The following IGF2BP3 variants were observed in gnomAD, a reference collection of about 807,000 sequenced individuals.
IGF2BP3 encodes insulin-like growth factor 2 mRNA-binding protein 3.
A neutral mutation model predicts 73.8 loss-of-function variants in IGF2BP3; 9 were observed. That is an observed-to-expected ratio of 0.12 (90% CI 0.07 to 0.21). IGF2BP3 has a LOEUF of 0.21. IGF2BP3 is among the 10% of genes least tolerant of loss of function. IGF2BP3 has a pLI of 1.00. For synonymous variants in IGF2BP3, 258 were observed against 256.7 expected (o/e 1.01, Z -0.05); for missense variants, 542 against 714.0 (o/e 0.76, Z 2.75).
intron 3 of IGF2BP3, among the ~76,000 whole-genome samples, chr7:23,389,945 C>T (rs1462317608): frequency 6.6e-6 from 1 of 152,112 alleles, no homozygotes; most frequent in East Asian, 1.9e-4. Flanking sequence ...CAGTACACTC[C>T]AGCCTGGGCA....
chr7:23,382,048 G>T (rs933594616), intron 3 of IGF2BP3, among the ~76,000 whole-genome samples: 1 of 152,044 alleles, frequency 6.6e-6, no homozygotes, highest in Non-Finnish European at 1.5e-5. Flanking sequence ...TCAAGCTCAG[G>T]AGACTAGCCT....
chr7:23,340,603 G>A (rs1206876996), intron 10 of IGF2BP3, among the ~76,000 whole-genome samples: 1 of 152,152 alleles, frequency 6.6e-6, no homozygotes, highest in Non-Finnish European at 1.5e-5. Context: ...TATTAAGTAA[G>A]TGAGCCAAAC....
intron 3 of IGF2BP3, among the ~76,000 whole-genome samples, chr7:23,396,255 G>C (rs1786459024): frequency 6.6e-6 from 1 of 151,948 alleles, no homozygotes; most frequent in Admixed American, 6.6e-5. Flanking sequence ...TGCTGGCTTG[G>C]GGGTAGGGGG....
intron 3 of IGF2BP3, among the ~76,000 whole-genome samples, chr7:23,388,092 C>CA (rs1786145601): frequency 6.6e-6 from 1 of 152,114 alleles, no homozygotes; most frequent in Non-Finnish European, 1.5e-5. Flanking sequence ...AGGTGCCCGA[C>CA]ACCACGCCCG....
intron 3 of IGF2BP3, among the ~76,000 whole-genome samples, chr7:23,404,769 G>T (rs1487403440): frequency 6.6e-6 from 1 of 150,774 alleles, no homozygotes; most frequent in African/African-American, 2.4e-5. Flanking sequence ...GGGGGTGGGG[G>T]TGGGGATGGC....
chr7:23,319,744 C>G (rs1354167208), intron 10 of IGF2BP3, among the ~76,000 whole-genome samples: 1 of 152,152 alleles, frequency 6.6e-6, no homozygotes, highest in African/African-American at 2.4e-5. Context: ...AAGAGAAAAG[C>G]TGAATTTTGT....
intron 3 of IGF2BP3, among the ~76,000 whole-genome samples, chr7:23,396,698 T>TGG (rs202095228): frequency 1.3e-5 from 2 of 151,708 alleles, no homozygotes; most frequent in Non-Finnish European, 2.9e-5. Context: ...ATAAGACTGT[T>TGG]GGGGGGGAAA....
chr7:23,322,781 A>T (rs1583882862), intron 10 of IGF2BP3, among the ~76,000 whole-genome samples: 1 of 152,344 alleles, frequency 6.6e-6, no homozygotes, highest in East Asian at 1.9e-4. Flanking sequence ...ATTCTTAAAG[A>T]AAAGAATTTT....
At chr7:23,388,607 C>CT (rs35723715) in intron 3 of IGF2BP3, among the ~76,000 whole-genome samples, 43,797 of 123,962 alleles carry the variant, frequency 0.35, 8,254 homozygotes, top group East Asian at 0.7. Context: ...TCTTCTCCAT[C>CT]TTTTTTTTTT....
chr7:23,453,119 C>G (rs1460905644), intron 2 of IGF2BP3, among the ~76,000 whole-genome samples: 3 of 152,200 alleles, frequency 2.0e-5, no homozygotes, highest in African/African-American at 7.2e-5. Context: ...CAGAGCGAGA[C>G]TCCGTCTCAA....
intron 10 of IGF2BP3, among the ~76,000 whole-genome samples, chr7:23,328,719 C>A (rs1035826454): frequency 6.6e-6 from 1 of 152,116 alleles, no homozygotes; most frequent in African/African-American, 2.4e-5. Flanking sequence ...AAAACTTATA[C>A]ATGACCAAGT....
At chr7:23,313,238 G>C (rs1036782099) in intron 13 of IGF2BP3, among the ~76,000 whole-genome samples, 2 of 152,182 alleles carry the variant, frequency 1.3e-5, no homozygotes, top group African/African-American at 4.8e-5. Flanking sequence ...TTCCTGTTAA[G>C]TGTCTGTTCC....
At chr7:23,332,830 T>C (rs1370492368) in intron 10 of IGF2BP3, among the ~76,000 whole-genome samples, 1 of 152,202 alleles carries the variant, frequency 6.6e-6, no homozygotes, top group African/African-American at 2.4e-5. Flanking sequence ...ATTCTGGTCC[T>C]TGTATCAAGA....
intron 2 of IGF2BP3, among the ~76,000 whole-genome samples, chr7:23,463,000 C>G (rs1444778001): frequency 3.3e-5 from 5 of 152,134 alleles, no homozygotes; most frequent in African/African-American, 1.2e-4. Context: ...AATACCAATC[C>G]TACCCCTTGG....
chr7:23,350,209 GA>G (rs1784925046), intron 6 of IGF2BP3, among the ~76,000 whole-genome samples: 1 of 152,256 alleles, frequency 6.6e-6, no homozygotes, highest in African/African-American at 2.4e-5. Context: ...AGGCCTGCTG[GA>G]ACAAACACAT....
intron 2 of IGF2BP3, among the ~76,000 whole-genome samples, chr7:23,447,636 C>T (rs1172992110): frequency 1.3e-5 from 2 of 151,440 alleles, no homozygotes; most frequent in Non-Finnish European, 2.9e-5. Context: ...AAAAAAACAA[C>T]AACAACAAAA....
chr7:23,429,732 T>C (rs142755385), intron 2 of IGF2BP3, among the ~76,000 whole-genome samples: 1 of 152,294 alleles, frequency 6.6e-6, no homozygotes, highest in Non-Finnish European at 1.5e-5. Context: ...AAGGCAACTA[T>C]GAGGAAAACA....
chr7:23,333,615 A>G (rs1400711490), intron 10 of IGF2BP3, among the ~76,000 whole-genome samples: 2 of 152,268 alleles, frequency 1.3e-5, no homozygotes, highest in Non-Finnish European at 2.9e-5. Context: ...AAGGACCAAA[A>G]TGTAACAGAA....
chr7:23,398,385 G>A (rs1786548007), intron 3 of IGF2BP3, among the ~76,000 whole-genome samples: 1 of 152,172 alleles, frequency 6.6e-6, no homozygotes, highest in African/African-American at 2.4e-5. Flanking sequence ...GTGTGCATGT[G>A]TCTTTATAGC....
Sources: allele counts gnomAD v4.1 joint callset (sites outside exome capture counted in the v4.1 genomes callset), GRCh38; gene constraint gnomAD v4.1.1; transcripts MANE v1.5; gene names NCBI Gene and HGNC (gene_info 2026-07-23, HGNC 2026-07-21).